Variants in DISC1 observed in about 807,000 individuals in gnomAD.
The protein encoded by DISC1 is DISC1 scaffold protein.
Under a neutral mutation model 84.5 loss-of-function variants are expected in DISC1, and 57 were observed. The observed-to-expected ratio is 0.67, with a 90% CI of 0.55 to 0.84. The LOEUF is 0.84. Ranked by LOEUF, DISC1 falls within the 40% of genes least tolerant of loss-of-function variation. The pLI, the probability that DISC1 is intolerant of heterozygous loss-of-function variation, is 0.00. For synonymous variants in DISC1, 411 were observed against 415.2 expected, an observed-to-expected ratio of 0.99 and a Z score of 0.12; for missense variants, 1,000 against 1,057.8, an observed-to-expected ratio of 0.95 and a Z score of 0.76.
rs138580181 is a variant in DISC1 at position 231,643,795 on chromosome 1, C to T, written c.67+16861C>T. 2.8e-3 allele frequency among the ~76,000 whole-genome samples: 425 copies of T among 152,266 alleles called. 7 individuals carry two copies. Among genetic ancestry groups the T allele is most frequent in the East Asian group, 9.6e-3 (50 of 5,184 alleles). On this transcript the variant is annotated intron_variant, in intron 1 of 12. Coordinates refer to ENST00000439617, the MANE Select transcript of DISC1 (RefSeq NM_018662.3). ...GGGCTTAGCAAACGGTAGCATATTA[C>T]AGGTGGCCTGCAGCCTGCCGCTGTG...
chr1:231,896,290 G>A lies in DISC1; in HGVS notation c.1982-62538G>A, dbSNP rs145641781. 1.6e-3 allele frequency among the ~76,000 whole-genome samples: 242 copies of A among 152,238 alleles called. 1 individual carries two copies. The highest frequency in any genetic ancestry group is 8.7e-3 in the East Asian group (45 of 5,186). On this transcript the variant is annotated intron_variant, in intron 9 of 12. Coordinates refer to ENST00000439617, the MANE Select transcript of DISC1 (RefSeq NM_018662.3). ...TCCCTGAACTTGGGGTCCGGGGCAG[G>A]CTTTTGCAACAGGGGTATGGTATTT...
At chr1:232,006,752 G>T (rs533315209) in intron 10 of DISC1, among the ~76,000 whole-genome samples, 6 of 152,220 alleles carry the variant, frequency 3.9e-5, no homozygotes, top group African/African-American at 1.4e-4. Context: ...ATTTGCATAA[G>T]TAACAAGCAA....
chr1:231,948,344 CTATCA>C (rs532701744), intron 9 of DISC1, among the ~76,000 whole-genome samples: 48 of 152,212 alleles, frequency 3.2e-4, no homozygotes, highest in African/African-American at 1.2e-3. Context: ...TCTCCGCAAA[CTATCA>C]CAAGAACAGA....
At chr1:231,988,542 G>T (rs1023100671) in intron 10 of DISC1, among the ~76,000 whole-genome samples, 1 of 152,104 alleles carries the variant, frequency 6.6e-6, no homozygotes, top group African/African-American at 2.4e-5. Flanking sequence ...TATAAAAGAG[G>T]GCCCAGGGGG....
At chr1:232,017,277 T>A (rs1238340084) in intron 11 of DISC1, among the ~76,000 whole-genome samples, 1 of 152,174 alleles carries the variant, frequency 6.6e-6, no homozygotes, top group Non-Finnish European at 1.5e-5. Context: ...CTGGTTTACC[T>A]CAAGCCAGAG....
intron 6 of DISC1, among the ~76,000 whole-genome samples, chr1:231,773,554 T>C (rs2076719097): frequency 6.6e-6 from 1 of 152,110 alleles, no homozygotes; most frequent in Admixed American, 6.5e-5. Context: ...CCAGCTAATT[T>C]TTTGTATTTT....
At chr1:231,894,776 T>TGC (rs1390939333) in intron 9 of DISC1, among the ~76,000 whole-genome samples, 6 of 138,442 alleles carry the variant, frequency 4.3e-5, no homozygotes, top group African/African-American at 1.4e-4. Flanking sequence ...TGTGTGTGTG[T>TGC]GTGCATCTTT....
intron 9 of DISC1, among the ~76,000 whole-genome samples, chr1:231,935,161 T>C (rs2090903916): frequency 6.6e-6 from 1 of 152,222 alleles, no homozygotes; most frequent in African/African-American, 2.4e-5. Context: ...CTCAGAGGAC[T>C]GTGGCATGTC....
At chr1:231,989,694 G>A (rs1436072285) in intron 10 of DISC1, among the ~76,000 whole-genome samples, 2 of 152,326 alleles carry the variant, frequency 1.3e-5, no homozygotes, top group African/African-American at 2.4e-5. Context: ...ATCGAGATGA[G>A]ACAGGCATAT....
intron 9 of DISC1, among the ~76,000 whole-genome samples, chr1:231,864,632 C>T (rs1324249076): frequency 6.6e-6 from 1 of 152,158 alleles, no homozygotes; most frequent in African/African-American, 2.4e-5. Context: ...CACTGCACTC[C>T]AGCCTGGGTG....
chr1:231,851,379 G>A (rs536430572), intron 9 of DISC1, among the ~76,000 whole-genome samples: 19 of 152,136 alleles, frequency 1.2e-4, no homozygotes, highest in Admixed American at 2.0e-4. Flanking sequence ...TGTACCTACT[G>A]AGCATCCTCT....
chr1:231,739,746 A>G (rs1275848973), intron 3 of DISC1, among the ~76,000 whole-genome samples: 2 of 152,234 alleles, frequency 1.3e-5, no homozygotes, highest in East Asian at 1.9e-4. Flanking sequence ...ATAAATAAAC[A>G]TGGCATTTGA....
intron 8 of DISC1, among the ~76,000 whole-genome samples, chr1:231,804,599 G>A (rs938683459): frequency 3.9e-5 from 6 of 152,132 alleles, no homozygotes; most frequent in Non-Finnish European, 8.8e-5. Context: ...GGGATTATAG[G>A]CATGAGCTCC....
At chr1:231,886,865 C>CT (rs1558692658) in intron 9 of DISC1, among the ~76,000 whole-genome samples, 2 of 65,402 alleles carry the variant, frequency 3.1e-5, no homozygotes, top group African/African-American at 1.4e-4. Context: ...TCTTTTCTTT[C>CT]CTTTTTTTTT....
Position 232,009,297 on chromosome 1 carries a change from C to T in DISC1, c.2307+248C>T. The T allele has an allele frequency of 7.8e-7, 1 of 1,286,830 alleles. No homozygotes were observed. Among genetic ancestry groups the T allele is most frequent in the South Asian group, 1.7e-5 (1 of 57,780 alleles). 79.7% of individuals were successfully genotyped at this position (1,286,830 alleles called of 1,614,324 possible). Reference sequence around the variant, plus strand: ...TTCCATTTTCATTCTAATTTAGTGGCTAGAATTAGAATATGCAGTCTAATA... The same window carrying T: ...TTCCATTTTCATTCTAATTTAGTGGTTAGAATTAGAATATGCAGTCTAATA... On this transcript the variant is annotated intron_variant, in intron 11 of 12. Transcript: ENST00000439617. The surrounding 1 kb of genome is among the most constrained non-coding windows in gnomAD (Gnocchi z 4.6).
intron 9 of DISC1, among the ~76,000 whole-genome samples, chr1:231,824,728 C>G (rs2081736124): frequency 6.6e-6 from 1 of 152,148 alleles, no homozygotes; most frequent in Non-Finnish European, 1.5e-5. Context: ...CCTGCCCTTC[C>G]CTAATCATCT....
At chr1:231,944,924 A>G (rs1197863825) in intron 9 of DISC1, 2 of 152,240 alleles carry the variant, frequency 1.3e-5, no homozygotes, top group Non-Finnish European at 2.9e-5. Flanking sequence ...CCAATACAGG[A>G]GCACCCAGAT....
intron 1 of DISC1, among the ~76,000 whole-genome samples, chr1:231,661,207 A>T (rs2061539091): frequency 6.7e-6 from 1 of 150,184 alleles, no homozygotes; most frequent in Non-Finnish European, 1.5e-5. Context: ...GGAGAATCTG[A>T]TGATTATGTG....
At position 231,675,993 on chromosome 1, in the gene DISC1, C is replaced by T. The variant is rs370171039; in HGVS notation, c.68-17833C>T. ...CCTCCTGAGTAGCTGGGATTACAGG[C>T]GTGCGCCTCCACACCCAGCTAATTT... On this transcript the variant is annotated intron_variant, in intron 1 of 12. Coordinates refer to ENST00000439617, the MANE Select transcript of DISC1 (RefSeq NM_018662.3). The surrounding 1 kb of genome is among the most constrained non-coding windows in gnomAD (Gnocchi z 4.1). 7.2e-5 allele frequency among the ~76,000 whole-genome samples: 11 copies of T among 151,918 alleles called. No individual in the cohort carries two copies. Among genetic ancestry groups the T allele is most frequent in the Admixed American group, 1.3e-4 (2 of 15,236 alleles).
Sources: gnomAD v4.1 joint callset for allele counts (sites outside exome capture counted in the v4.1 genomes callset) on GRCh38, gnomAD v4.1.1 for gene constraint, Gnocchi (gnomAD v3.1) non-coding constraint, MANE v1.5 for transcripts, NCBI Gene and HGNC (gene_info 2026-07-23, HGNC 2026-07-21) for gene names.